The following GULP1 variants were observed in gnomAD, a reference collection of about 807,000 sequenced individuals.
GULP1 encodes PTB domain-containing engulfment adapter protein 1.
A neutral mutation model predicts 40.9 loss-of-function variants in GULP1; 19 were observed. The observed-to-expected ratio is 0.46, with a 90% CI of 0.32 to 0.68. The LOEUF (loss-of-function observed/expected upper bound fraction) is 0.68. Ranked by LOEUF, GULP1 falls within the 30% of genes least tolerant of loss-of-function variation. The probability of loss-of-function intolerance (pLI) is 0.03; values close to 1 mark genes in which losing one functional copy is unlikely to be tolerated. For missense variants in GULP1, 312 were observed against 362.2 expected (o/e 0.86, Z 1.12); for synonymous variants, 119 against 117.6 (o/e 1.01, Z -0.08).
chr2:188,484,324 T>C (rs2061683458), intron 4 of GULP1, among the ~76,000 whole-genome samples: 1 of 152,184 alleles, frequency 6.6e-6, no homozygotes, highest in African/African-American at 2.4e-5. Context: ...TTTAAAGATT[T>C]CATTTGTTGT....
chr2:188,505,286 G>A (rs75955350), intron 4 of GULP1, among the ~76,000 whole-genome samples: 6,333 of 151,676 alleles, frequency 0.042, 301 homozygotes, highest in African/African-American at 0.11. Context: ...GCTATAACAG[G>A]TGAATTAAAT....
At chr2:188,584,044 T>A (rs1161466536) in intron 9 of GULP1, among the ~76,000 whole-genome samples, 1 of 152,246 alleles carries the variant, frequency 6.6e-6, no homozygotes, top group Non-Finnish European at 1.5e-5. Flanking sequence ...GAGAGCATTT[T>A]TACAGAAATT....
intron 2 of GULP1, among the ~76,000 whole-genome samples, chr2:188,474,624 GT>G (rs551701646): frequency 1.3e-5 from 2 of 152,146 alleles, no homozygotes; most frequent in Admixed American, 6.6e-5. Flanking sequence ...ATTCAGAACT[GT>G]TCCTTCTACC....
At chr2:188,568,028 T>C (rs1402753018) in intron 7 of GULP1, among the ~76,000 whole-genome samples, 2 of 151,930 alleles carry the variant, frequency 1.3e-5, no homozygotes, top group Admixed American at 1.3e-4. Context: ...TTGTCTTTTT[T>C]CTTTTCTTTT....
At chr2:188,490,913 C>G (rs1453798926) in intron 4 of GULP1, among the ~76,000 whole-genome samples, 2 of 151,986 alleles carry the variant, frequency 1.3e-5, no homozygotes, top group Non-Finnish European at 2.9e-5. Flanking sequence ...AGGTGATCCT[C>G]ATACTTCAGC....
intron 11 of GULP1, chr2:188,593,144 T>C (rs1352324151): frequency 6.6e-6 from 1 of 152,032 alleles, no homozygotes; most frequent in African/African-American, 2.4e-5. Flanking sequence ...TGTATAGATT[T>C]ACAGGAAAGG....
At chr2:188,550,880 A>G (rs1346571499) in intron 7 of GULP1, among the ~76,000 whole-genome samples, 1 of 151,578 alleles carries the variant, frequency 6.6e-6, no homozygotes, top group Non-Finnish European at 1.5e-5. Context: ...TTAGTTTAAA[A>G]TTAGAATCTG....
intron 7 of GULP1, among the ~76,000 whole-genome samples, chr2:188,545,667 G>A (rs1036437995): frequency 6.6e-6 from 1 of 151,438 alleles, no homozygotes; most frequent in African/African-American, 2.4e-5. Flanking sequence ...AGAAAACAGA[G>A]AAAGAAAAAA....
chr2:188,412,607 C>T (rs950594977), intron 2 of GULP1, among the ~76,000 whole-genome samples: 1 of 152,136 alleles, frequency 6.6e-6, no homozygotes, highest in Non-Finnish European at 1.5e-5. Flanking sequence ...AACCATATCA[C>T]AAACCCTTTA....
chr2:188,452,258 G>C (rs185239182), intron 2 of GULP1, among the ~76,000 whole-genome samples: 57 of 152,260 alleles, frequency 3.7e-4, no homozygotes, highest in African/African-American at 1.3e-3. Flanking sequence ...CCAAAGGCCA[G>C]TGTTTATTTC....
At chr2:188,494,200 A>G (rs552767661) in intron 4 of GULP1, among the ~76,000 whole-genome samples, 3 of 152,172 alleles carry the variant, frequency 2.0e-5, no homozygotes, top group Non-Finnish European at 4.4e-5. Flanking sequence ...CATTAAAAAA[A>G]CACTCTTCCA....
At chr2:188,558,477 G>A (rs545941265) in intron 7 of GULP1, among the ~76,000 whole-genome samples, 2 of 152,122 alleles carry the variant, frequency 1.3e-5, no homozygotes, top group South Asian at 4.1e-4. Flanking sequence ...CCCAGTCTCA[G>A]GTATGTCTTT....
intron 2 of GULP1, among the ~76,000 whole-genome samples, chr2:188,433,503 G>A (rs2057109199): frequency 6.6e-6 from 1 of 152,090 alleles, no homozygotes; most frequent in South Asian, 2.1e-4. Context: ...AAACTTCCCA[G>A]GAAAAGAACA....
At chr2:188,394,714 T>G (rs1351249167) in intron 2 of GULP1, among the ~76,000 whole-genome samples, 2 of 152,228 alleles carry the variant, frequency 1.3e-5, no homozygotes, top group Admixed American at 6.5e-5. Context: ...AAAAATTCCT[T>G]TTGTCTCCAT....
chr2:188,417,690 A>G (rs955850202), intron 2 of GULP1, among the ~76,000 whole-genome samples: 1 of 152,234 alleles, frequency 6.6e-6, no homozygotes, highest in Non-Finnish European at 1.5e-5. Flanking sequence ...GAGAATTCAA[A>G]GGATCCTTAT....
At position 188,532,683 on chromosome 2, in the gene GULP1, C is replaced by T. The variant is rs375457741; in HGVS notation, c.261+3488C>T. On this transcript the variant is annotated intron_variant, in intron 6 of 11. Transcript: ENST00000409830. ...CTGTAATCCCAGCACTTTGGGAGGCCGAGATGGGGGAATCATGAGGTCAGC... is the reference window on the plus strand; with the variant it reads ...CTGTAATCCCAGCACTTTGGGAGGCTGAGATGGGGGAATCATGAGGTCAGC... 1.1e-4 allele frequency among the ~76,000 whole-genome samples: 17 copies of T among 150,404 alleles called. No individual in the cohort carries two copies. The East Asian group carries it at 1.6e-3, about 14-fold the overall frequency.
intron 4 of GULP1, among the ~76,000 whole-genome samples, chr2:188,520,775 GAA>G (rs2065678886): frequency 6.6e-6 from 1 of 152,114 alleles, no homozygotes; most frequent in Non-Finnish European, 1.5e-5. Context: ...AATGCTTCCA[GAA>G]ATATAATTCG....
At chr2:188,400,898 C>T (rs2152636776) in intron 2 of GULP1, among the ~76,000 whole-genome samples, 1 of 150,046 alleles carries the variant, frequency 6.7e-6, no homozygotes, top group Middle Eastern at 3.4e-3. Context: ...GTTCTAGGCT[C>T]TGAAATTGGA....
At chr2:188,563,101 ATAAAGT>A in intron 7 of GULP1, among the ~76,000 whole-genome samples, 1 of 152,240 alleles carries the variant, frequency 6.6e-6, no homozygotes, top group South Asian at 2.1e-4. Flanking sequence ...TAGTCCTGAC[ATAAAGT>A]TAAATGAAAA....
Sources: allele counts gnomAD v4.1 joint callset (sites outside exome capture counted in the v4.1 genomes callset), GRCh38; gene constraint gnomAD v4.1.1; transcripts MANE v1.5; gene names NCBI Gene and HGNC (gene_info 2026-07-23, HGNC 2026-07-21).